Variants in ROBO2 observed in about 807,000 individuals in gnomAD.
The protein encoded by ROBO2 is roundabout guidance receptor 2.
In ROBO2, 53 loss-of-function variants were observed where a neutral mutation model predicts 160.8. That is an observed-to-expected ratio of 0.33 (90% CI 0.26 to 0.41). The LOEUF is 0.41. Among genes scored for constraint, ROBO2 ranks in the 10% least tolerant of loss-of-function variants. The pLI is 1.00. For missense variants in ROBO2, 1,577 were observed against 1,722.4 expected (o/e 0.92, Z 1.49); for synonymous variants, 664 against 611.7 (o/e 1.09, Z -1.26).
At chr3:77,173,018 A>C (rs566427612) in intron 2 of ROBO2, among the ~76,000 whole-genome samples, 2 of 152,308 alleles carry the variant, frequency 1.3e-5, no homozygotes, top group Middle Eastern at 3.4e-3. Context: ...CATTCGATGA[A>C]CTCTGAATGG....
chr3:76,856,018 G>A (rs1224701743), intron 2 of ROBO2, among the ~76,000 whole-genome samples: 3 of 152,146 alleles, frequency 2.0e-5, no homozygotes, highest in African/African-American at 7.2e-5. Flanking sequence ...GGTAAGTGCT[G>A]GTATCCCCTG....
rs76394588 is a variant in ROBO2 at position 76,983,672 on chromosome 3, CA to C, written c.110-114339del. On this transcript the variant is annotated intron_variant, in intron 2 of 26. Transcript: ENST00000487694. Reference sequence around the variant, plus strand: ...TTATTTCAAGATTGAAAAAAACTTACAAAGTACCTATTATATGATAGACAAT... The same window carrying C: ...TTATTTCAAGATTGAAAAAAACTTACAAGTACCTATTATATGATAGACAAT... Among the ~76,000 whole-genome samples, 40 of 152,288 alleles carry C rather than the reference CA, an allele frequency of 2.6e-4. No individual in the cohort carries two copies. In the East Asian group the frequency reaches 7.0e-3, roughly 26 times the overall value.
intron 1 of ROBO2, among the ~76,000 whole-genome samples, chr3:77,062,446 G>C (rs1314603782): frequency 2.0e-5 from 3 of 152,116 alleles, no homozygotes; most frequent in Admixed American, 2.0e-4. Context: ...CAGGACCCAA[G>C]TTGTGGAACT....
Position 76,283,645 on chromosome 3 carries a change from C to T in ROBO2, c.109+346043C>T, listed in dbSNP as rs142832886. Among the ~76,000 whole-genome samples the T allele has an allele frequency of 2.9e-4, 44 of 152,036 alleles. No individual in the cohort carries two copies. The East Asian group carries it at 8.0e-3, about 27-fold the overall frequency. ...CCCATTTAGCATTAATAAGGAGAGGCAGCATTATGACAGAGTTTCTGAAGG... is the reference window on the plus strand; with the variant it reads ...CCCATTTAGCATTAATAAGGAGAGGTAGCATTATGACAGAGTTTCTGAAGG... On this transcript the variant is annotated intron_variant, in intron 2 of 26. Coordinates refer to the ROBO2 transcript ENST00000487694.
rs139225573 is a variant in ROBO2, at chr3:76,169,041, A to C, written c.109+231439A>C. 4.8e-3 allele frequency among the ~76,000 whole-genome samples: 731 copies of C among 152,212 alleles called. 20 individuals are homozygous for C. Among genetic ancestry groups the C allele is most frequent in the Admixed American group, 0.041 (625 of 15,274 alleles). On this transcript the variant is annotated intron_variant, in intron 2 of 26. Coordinates refer to the ROBO2 transcript ENST00000487694. ...TTAAGGTGCATAATCCATTCTCTTT[A>C]AAACTTGAACAGTTCCTGAGAAGGT...
At chr3:76,692,312 T>C (rs573966703) in intron 2 of ROBO2, among the ~76,000 whole-genome samples, 1 of 152,116 alleles carries the variant, frequency 6.6e-6, no homozygotes, top group Non-Finnish European at 1.5e-5. Flanking sequence ...AGGAAACAAA[T>C]GTGGTTAGAT....
chr3:76,435,268 A>G (rs1160933485), intron 2 of ROBO2: 4 of 1,388,162 alleles, frequency 2.9e-6, no homozygotes, highest in Non-Finnish European at 2.1e-6. Context: ...CTGAGCAAGA[A>G]TTCCCTGGAT....
At chr3:76,268,068 C>T (rs1217218569) in intron 2 of ROBO2, among the ~76,000 whole-genome samples, 1 of 152,118 alleles carries the variant, frequency 6.6e-6, no homozygotes. Context: ...TAAGTGACCA[C>T]CCTGGGCAAC....
chr3:77,055,248 G>A (rs1364569454), intron 1 of ROBO2, among the ~76,000 whole-genome samples: 1 of 152,028 alleles, frequency 6.6e-6, no homozygotes, highest in African/African-American at 2.4e-5. Context: ...GTAACAAAGA[G>A]CATATAAATA....
intron 2 of ROBO2, among the ~76,000 whole-genome samples, chr3:77,137,021 C>A (rs985830808): frequency 1.3e-5 from 2 of 152,158 alleles, no homozygotes; most frequent in Non-Finnish European, 2.9e-5. Flanking sequence ...TAACCTCAAG[C>A]AGTCCTCCCA....
At chr3:76,533,956 A>C (rs1024805227) in intron 2 of ROBO2, among the ~76,000 whole-genome samples, 9 of 152,294 alleles carry the variant, frequency 5.9e-5, no homozygotes, top group African/African-American at 1.9e-4. Context: ...CGGCTGCTGC[A>C]GATTTCTTGG....
chr3:77,156,281 T>A (rs2078000623), intron 2 of ROBO2, among the ~76,000 whole-genome samples: 1 of 152,032 alleles, frequency 6.6e-6, no homozygotes, highest in Admixed American at 6.6e-5. Flanking sequence ...TGGCAAATGT[T>A]GTCAGGTTTG....
chr3:76,986,603 A>G (rs138657816), intron 2 of ROBO2, among the ~76,000 whole-genome samples: 3 of 152,250 alleles, frequency 2.0e-5, no homozygotes, highest in African/African-American at 7.2e-5. Flanking sequence ...TTTAAAAAAC[A>G]GATTCTTTTT....
At chr3:76,147,558 C>G (rs966332445) in intron 2 of ROBO2, among the ~76,000 whole-genome samples, 1 of 151,956 alleles carries the variant, frequency 6.6e-6, no homozygotes, top group African/African-American at 2.4e-5. Context: ...TCAGCAACCC[C>G]CAACTCTACT....
In ROBO2 at chr3:77,161,834, G is replaced by T. The variant is rs940505760; in HGVS notation, c.388+63494G>T. 1.1e-4 allele frequency among the ~76,000 whole-genome samples: 17 copies of T among 148,732 alleles called. 1 individual carries two copies. Among genetic ancestry groups the T allele is most frequent in the Admixed American group, 1.1e-3 (17 of 14,908 alleles). On this transcript the variant is annotated intron_variant, in intron 2 of 25. Coordinates refer to ENST00000461745, the Ensembl canonical transcript of ROBO2. ...CTCCTTTCTTACCCCTTTTTCTGTTGTCATGGTTTTTTACTAAAGCATGTA... is the reference window on the plus strand; with the variant it reads ...CTCCTTTCTTACCCCTTTTTCTGTTTTCATGGTTTTTTACTAAAGCATGTA...
At chr3:76,058,556 C>T (rs2107860770) in intron 2 of ROBO2, among the ~76,000 whole-genome samples, 1 of 143,838 alleles carries the variant, frequency 7.0e-6, no homozygotes, top group East Asian at 2.1e-4. Flanking sequence ...ATGAACGTTG[C>T]ACATGAACTA....
chr3:77,252,831 A>AAAAAAAAAAAATATATATATATATATAT, intron 2 of ROBO2, among the ~76,000 whole-genome samples: 3 of 12,520 alleles, frequency 2.4e-4, no homozygotes, highest in African/African-American at 4.7e-4. Flanking sequence ...AAAAAAAAAA[A>AAAAAAAAAAAATATATATATATATATAT]ATATATATAT....
chr3:76,536,066 C>A (rs533517041), intron 2 of ROBO2, among the ~76,000 whole-genome samples: 1 of 152,248 alleles, frequency 6.6e-6, no homozygotes, highest in South Asian at 2.1e-4. Flanking sequence ...GAATCATGGG[C>A]TGCGGGCATT....
At chr3:77,103,105 G>T (rs2150116132) in intron 2 of ROBO2, among the ~76,000 whole-genome samples, 1 of 152,256 alleles carries the variant, frequency 6.6e-6, no homozygotes, top group Non-Finnish European at 1.5e-5. Context: ...AAGGAGCACA[G>T]GGGGTCCTCA....
Sources: gnomAD v4.1 joint callset for allele counts (sites outside exome capture counted in the v4.1 genomes callset) on GRCh38, gnomAD v4.1.1 for gene constraint, MANE v1.5 for transcripts, NCBI Gene and HGNC (gene_info 2026-07-23, HGNC 2026-07-21) for gene names.